The following ELFN1 variants were observed in gnomAD, a reference collection of about 807,000 sequenced individuals.
ELFN1 encodes the protein protein ELFN1.
A neutral mutation model predicts 7.6 loss-of-function variants in ELFN1; 6 were observed. The observed-to-expected ratio is 0.79, with a 90% CI of 0.43 to 1.56. The LOEUF (loss-of-function observed/expected upper bound fraction) is 1.56, where lower values mean the gene tolerates loss of function less well. Ranked by LOEUF, ELFN1 falls within the 40% of genes most tolerant of loss-of-function variation. The pLI, the probability that ELFN1 is intolerant of heterozygous loss-of-function variation, is 0.01. For missense variants in ELFN1, 1,169 were observed against 1,232.2 expected (o/e 0.95, Z 0.77); for synonymous variants, 657 against 588.1 (o/e 1.12, Z -1.70).
At chr7:1,701,199 T>C (rs1779421991) in intron 2 of ELFN1, among the ~76,000 whole-genome samples, 1 of 152,194 alleles carries the variant, frequency 6.6e-6, no homozygotes. Flanking sequence ...TGTGTGCATA[T>C]TTTAGAGACA....
chr7:1,728,890 G>A (rs116163170), intron 3 of ELFN1, among the ~76,000 whole-genome samples: 75 of 152,164 alleles, frequency 4.9e-4, no homozygotes, highest in African/African-American at 1.7e-3. Context: ...TCTCACTGTC[G>A]TGATGGTCCT....
chr7:1,723,346 T>C (rs919263041), intron 3 of ELFN1, among the ~76,000 whole-genome samples: 1 of 152,210 alleles, frequency 6.6e-6, no homozygotes, highest in Non-Finnish European at 1.5e-5. Flanking sequence ...ACTTTGACCA[T>C]ATTTGTACAA....
At chr7:1,677,781 T>TC in intron 1 of ELFN1, among the ~76,000 whole-genome samples, 1 of 151,080 alleles carries the variant, frequency 6.6e-6, no homozygotes, top group East Asian at 1.9e-4. Flanking sequence ...CTGCTTTTTC[T>TC]TTTTTTTTGC....
At chr7:1,731,318 T>C (rs1780320959) in intron 3 of ELFN1, among the ~76,000 whole-genome samples, 1 of 152,216 alleles carries the variant, frequency 6.6e-6, no homozygotes. Flanking sequence ...TCTGAATGAA[T>C]ATTCAAATGG....
intron 2 of ELFN1, among the ~76,000 whole-genome samples, chr7:1,690,269 G>T (rs1779132429): frequency 1.3e-5 from 2 of 151,986 alleles, no homozygotes; most frequent in Non-Finnish European, 2.9e-5. Flanking sequence ...GTAGGTGGGT[G>T]AGTGGGTAGG....
At chr7:1,719,470 CAG>C (rs1189664876) in intron 3 of ELFN1, among the ~76,000 whole-genome samples, 2 of 152,246 alleles carry the variant, frequency 1.3e-5, no homozygotes, top group Non-Finnish European at 2.9e-5. Context: ...CTTCCGCAGA[CAG>C]GGCCCTCTGG....
At chr7:1,675,090 C>T (rs1240520314) in intron 1 of ELFN1, among the ~76,000 whole-genome samples, 1 of 59,070 alleles carries the variant, frequency 1.7e-5, no homozygotes, top group Non-Finnish European at 2.9e-5. Context: ...GGGGACCCGG[C>T]AGCCCACGGC....
intron 3 of ELFN1, among the ~76,000 whole-genome samples, chr7:1,738,235 G>A (rs1780505836): frequency 6.6e-6 from 1 of 152,194 alleles, no homozygotes; most frequent in Non-Finnish European, 1.5e-5. Flanking sequence ...CCCAGGGCCG[G>A]GCACGTGGAG....
chr7:1,699,578 G>T (rs944323137), intron 2 of ELFN1, among the ~76,000 whole-genome samples: 3 of 152,132 alleles, frequency 2.0e-5, no homozygotes, highest in South Asian at 2.1e-4. Context: ...AGGGGTCCAG[G>T]TTGCAGTGAA....
chr7:1,712,261 A>G (rs113474638), intron 3 of ELFN1, among the ~76,000 whole-genome samples: 20,165 of 149,226 alleles, frequency 0.14, 1,708 homozygotes, highest in East Asian at 0.23. Context: ...AGCTGGGACT[A>G]CAGGCACCCG....
intron 2 of ELFN1, among the ~76,000 whole-genome samples, chr7:1,701,887 T>A (rs1196202613): frequency 6.6e-6 from 1 of 152,220 alleles, no homozygotes; most frequent in Non-Finnish European, 1.5e-5. Flanking sequence ...TTCTTCTTTT[T>A]GCATTTAGCT....
chr7:1,730,117 G>A (rs553856403), intron 3 of ELFN1, among the ~76,000 whole-genome samples: 9 of 152,382 alleles, frequency 5.9e-5, no homozygotes, highest in South Asian at 2.1e-4. Flanking sequence ...CTTCTCTATC[G>A]TTCACCCTGC....
At chr7:1,697,352 C>T (rs1053951720) in intron 2 of ELFN1, among the ~76,000 whole-genome samples, 5 of 152,280 alleles carry the variant, frequency 3.3e-5, no homozygotes, top group South Asian at 4.1e-4. Context: ...CCCTCCTCCA[C>T]GGGGATATCT....
At chr7:1,672,326 G>GCT (rs1300481378) in intron 1 of ELFN1, among the ~76,000 whole-genome samples, 2 of 152,074 alleles carry the variant, frequency 1.3e-5, no homozygotes, top group East Asian at 3.9e-4. Context: ...TTGGAGGCAG[G>GCT]CTCCCCACAC....
intron 2 of ELFN1, among the ~76,000 whole-genome samples, chr7:1,694,494 C>T (rs989816008): frequency 3.3e-5 from 5 of 152,164 alleles, no homozygotes; most frequent in East Asian, 3.9e-4. Flanking sequence ...GAGGGGATTC[C>T]TGGCTTCTCC....
chr7:1,676,801 C>T (rs1224369835), intron 1 of ELFN1, among the ~76,000 whole-genome samples: 1 of 152,226 alleles, frequency 6.6e-6, no homozygotes, highest in African/African-American at 2.4e-5. Flanking sequence ...GGAGAGGCCC[C>T]AGGGTCCGGG....
rs566064556 is a variant in ELFN1, at chr7:1,670,995, A to G, written c.-549+641A>G. Among the ~76,000 whole-genome samples, 11 of 152,100 alleles carry G rather than the reference A, an allele frequency of 7.2e-5. No homozygotes were observed. In the South Asian group the frequency reaches 2.3e-3, roughly 32 times the overall value. The stretch of plus-strand genomic sequence containing the variant: ...CTGGGTGCTTTCCACCCCTCGCCCC[A>G]CCTGGAGTCCATCCTCGTCCTCGTC... On this transcript the variant is annotated intron_variant, in intron 1 of 3. Transcript: ENST00000424383. The surrounding 1 kb of genome is among the most constrained non-coding windows in gnomAD (Gnocchi z 6.4).
At chr7:1,670,145 G>C (rs1381856102), upstream of ELFN1, among the ~76,000 whole-genome samples, 2 of 146,508 alleles carry the variant, frequency 1.4e-5, no homozygotes, top group African/African-American at 5.0e-5. This position sits in a 1 kb window ranked among gnomAD's most constrained non-coding sequence, Gnocchi z 6.4. Flanking sequence ...GAGCGAGGGA[G>C]GGAGAGAAGG....
chr7:1,667,970 G>A (rs1027939913), upstream of ELFN1, among the ~76,000 whole-genome samples: 2 of 142,458 alleles, frequency 1.4e-5, no homozygotes, highest in Non-Finnish European at 3.1e-5. The surrounding 1 kb of genome is among the most constrained non-coding windows in gnomAD (Gnocchi z 8.2). Context: ...CGGGGTGGGG[G>A]GGGGGGGCGG....
Sources: allele counts gnomAD v4.1 joint callset (sites outside exome capture counted in the v4.1 genomes callset), GRCh38; gene constraint gnomAD v4.1.1; non-coding constraint Gnocchi (gnomAD v3.1); transcripts MANE v1.5; gene names NCBI Gene and HGNC (gene_info 2026-07-23, HGNC 2026-07-21).